Variants in CLEC2A observed in about 807,000 individuals in gnomAD.
CLEC2A encodes the protein C-type lectin domain family 2 member A, also known as keratinocyte-associated C-type lectin.
In CLEC2A, 19 loss-of-function variants were observed where a neutral mutation model predicts 18.6. The ratio of observed to expected loss-of-function variants is 1.02; its 90% CI spans 0.71 to 1.50. CLEC2A has a LOEUF of 1.50. CLEC2A is among the 40% of genes most tolerant of loss of function. The pLI, the probability that CLEC2A is intolerant of heterozygous loss-of-function variation, is 0.00. For synonymous variants in CLEC2A, 74 were observed against 64.0 expected, an observed-to-expected ratio of 1.16 and a Z score of -0.75; for missense variants, 190 against 207.9, an observed-to-expected ratio of 0.91 and a Z score of 0.53.
Position 9,913,503 on chromosome 12 carries a change from T to G in CLEC2A, c.*63A>C. ...TAACAGAATAAGTGAGAAAGCCACT[T>G]TTGCATAATTAGCTCTTCTTTCAAT... On this transcript the variant is annotated 3_prime_UTR_variant, in exon 5 of 5. Coordinates refer to ENST00000455827, the MANE Select transcript of CLEC2A (RefSeq NM_001130711.2). The G allele has an allele frequency of 2.0e-6, 3 of 1,503,986 alleles. No individual in the cohort carries two copies. The highest frequency in any genetic ancestry group is 2.6e-6 in the Non-Finnish European group (3 of 1,132,112). 93.2% of individuals were successfully genotyped at this position (1,503,986 alleles called of 1,614,324 possible). A position where few individuals can be genotyped will look rare whatever the true frequency, so the allele number is the denominator to read the frequency against.
At chr12:9,907,608 G>A (rs1862924349) in intron 4 of CLEC2A, among the ~76,000 whole-genome samples, 1 of 152,136 alleles carries the variant, frequency 6.6e-6, no homozygotes, top group Admixed American at 6.5e-5. Context: ...GGTTAAGAAG[G>A]TGTGTAGAGA....
At chr12:9,895,877 C>G (rs956188345), downstream of CLEC2A, 3 of 1,463,154 alleles carry the variant, frequency 2.1e-6, no homozygotes, top group African/African-American at 4.3e-5. Flanking sequence ...TAAAGCAGAG[C>G]TAGATTTTAA....
the CLEC2A span, among the ~76,000 whole-genome samples, chr12:9,890,846 C>T: frequency 6.6e-6 from 1 of 152,158 alleles, no homozygotes; most frequent in Non-Finnish European, 1.5e-5. Flanking sequence ...GAGGCTGGAC[C>T]TATGGGGTCA....
chr12:9,932,003 A>G (rs1208669131), intron 1 of CLEC2A, among the ~76,000 whole-genome samples: 1 of 152,172 alleles, frequency 6.6e-6, no homozygotes, highest in Non-Finnish European at 1.5e-5. Flanking sequence ...TTCCCTGTGA[A>G]AGTACATTTT....
downstream of CLEC2A, among the ~76,000 whole-genome samples, chr12:9,909,607 C>T (rs1272737322): frequency 6.6e-6 from 1 of 152,156 alleles, no homozygotes; most frequent in African/African-American, 2.4e-5. Flanking sequence ...GCTGATGGCA[C>T]CCCCTCCCTG....
downstream of CLEC2A, chr12:9,898,579 C>G (rs1485711923): frequency 4.5e-6 from 1 of 223,322 alleles, no homozygotes. Context: ...GGACCTAGAC[C>G]AAACCCCTGG....
chr12:9,926,238 G>C (rs1863269556), intron 2 of CLEC2A, 22 bp downstream of exon 2: 1 of 1,364,586 alleles, frequency 7.3e-7, no homozygotes. Flanking sequence ...ACCATAGAAA[G>C]TGTATGAATT....
chr12:9,924,195 T>C (rs1411974309), intron 2 of CLEC2A, among the ~76,000 whole-genome samples: 1 of 152,138 alleles, frequency 6.6e-6, no homozygotes, highest in Admixed American at 6.5e-5. Flanking sequence ...GGTTTTGATT[T>C]GCATTTCTCT....
chr12:9,923,962 T>C (rs1565534739), intron 2 of CLEC2A, among the ~76,000 whole-genome samples: 1 of 151,680 alleles, frequency 6.6e-6, no homozygotes, highest in African/African-American at 2.4e-5. Context: ...AGCCCCCCTG[T>C]CGTGGGGTTG....
At chr12:9,879,808 T>G in the CLEC2A span, among the ~76,000 whole-genome samples, 6 of 152,230 alleles carry the variant, frequency 3.9e-5, no homozygotes, top group African/African-American at 1.4e-4. Context: ...ATGAACCCTA[T>G]GTTTAGAAGT....
Position 9,922,235 on chromosome 12 carries a change from G to GAAAAAA in CLEC2A, c.140-9_140-4dup. The GAAAAAA allele has an allele frequency of 6.8e-7, 1 of 1,478,316 alleles. No individual in the cohort carries two copies. Among genetic ancestry groups the GAAAAAA allele is most frequent in the African/African-American group, 1.4e-5 (1 of 69,530 alleles). 91.6% of individuals were successfully genotyped at this position (1,478,316 alleles called of 1,614,324 possible). ...TTTAGCATGCTTGGACCATGTGGCT[G>GAAAAAA]AAAAAAAAAGAAAGAAATGATCAGA... On this transcript the variant is annotated splice_polypyrimidine_tract_variant and splice_region_variant and intron_variant, in intron 2 of 4. Coordinates refer to ENST00000455827, the MANE Select transcript of CLEC2A (RefSeq NM_001130711.2).
In CLEC2A at chr12:9,913,353, A is replaced by G; in HGVS notation, c.*213T>C. The G allele has an allele frequency of 1.5e-6, 1 of 689,078 alleles. No individual in the cohort carries two copies. Among genetic ancestry groups the G allele is most frequent in the Non-Finnish European group, 2.2e-6 (1 of 459,126 alleles). 42.7% of individuals were successfully genotyped at this position (689,078 alleles called of 1,614,324 possible). On this transcript the variant is annotated 3_prime_UTR_variant, in exon 5 of 5. Coordinates refer to ENST00000455827, the MANE Select transcript of CLEC2A (RefSeq NM_001130711.2). ...GTTCATGAGGATGGAGCCATAGTAA[A>G]TGTGATTGTGCCCTTATAAAAGGCT...
At chr12:9,928,818 T>G (rs79919020) in intron 1 of CLEC2A, among the ~76,000 whole-genome samples, 1 of 152,220 alleles carries the variant, frequency 6.6e-6, no homozygotes, top group African/African-American at 2.4e-5. Context: ...CCACTTGCAC[T>G]GTTAAAATGA....
chr12:9,887,724 GTT>G, the CLEC2A span, among the ~76,000 whole-genome samples: 18 of 133,464 alleles, frequency 1.3e-4, no homozygotes, highest in Admixed American at 1.5e-4. Flanking sequence ...GGTCAAAAGA[GTT>G]TTTTTTTTTT....
intron 4 of CLEC2A, among the ~76,000 whole-genome samples, chr12:9,899,822 C>T (rs1242202106): frequency 6.6e-6 from 1 of 152,204 alleles, no homozygotes; most frequent in African/African-American, 2.4e-5. Flanking sequence ...CAGGAACCAG[C>T]CACACTCACC....
chr12:9,906,025 G>GTTTTTTTTTT (rs57802045), intron 4 of CLEC2A, among the ~76,000 whole-genome samples: 1 of 146,626 alleles, frequency 6.8e-6, no homozygotes. Context: ...TATTAGTTTT[G>GTTTTTTTTTT]TTTTTTTTTT....
At chr12:9,910,960 C>A (rs1279043423), downstream of CLEC2A, among the ~76,000 whole-genome samples, 1 of 152,190 alleles carries the variant, frequency 6.6e-6, no homozygotes, top group South Asian at 2.1e-4. Context: ...AGCACTGAGA[C>A]AAAGGATTTC....
At chr12:9,893,561 G>A in the CLEC2A span, 1 of 956,056 alleles carries the variant, frequency 1.0e-6, no homozygotes, top group South Asian at 1.5e-5. Context: ...TATTTGTAAG[G>A]GAGGGGTGCT....
intron 4 of CLEC2A, among the ~76,000 whole-genome samples, chr12:9,906,819 T>A (rs1020426284): frequency 6.6e-6 from 1 of 152,218 alleles, no homozygotes; most frequent in Non-Finnish European, 1.5e-5. Context: ...CTGACTTTTG[T>A]GTGGTAGTTC....
Sources: gnomAD v4.1 joint callset for allele counts (sites outside exome capture counted in the v4.1 genomes callset) on GRCh38, gnomAD v4.1.1 for gene constraint, MANE v1.5 for transcripts, NCBI Gene and HGNC (gene_info 2026-07-23, HGNC 2026-07-21) for gene names.